The following SOX6 variants were observed in gnomAD, a reference collection of about 807,000 sequenced individuals.
SOX6 encodes transcription factor SOX-6.
A neutral mutation model predicts 97.8 loss-of-function variants in SOX6; 11 were observed. The observed-to-expected ratio is 0.11, with a 90% CI of 0.07 to 0.19. The LOEUF (loss-of-function observed/expected upper bound fraction) is 0.19, where lower values mean the gene tolerates loss of function less well. Ranked by LOEUF, SOX6 falls within the 10% of genes least tolerant of loss-of-function variation. SOX6 has a pLI of 1.00. For synonymous variants in SOX6, 360 were observed against 371.4 expected (o/e 0.97, Z 0.35); for missense variants, 810 against 1,039.5 (o/e 0.78, Z 3.04).
intron 1 of SOX6, among the ~76,000 whole-genome samples, chr11:16,471,786 G>T (rs1361627892): frequency 6.6e-6 from 1 of 152,182 alleles, no homozygotes; most frequent in African/African-American, 2.4e-5. Context: ...AGGTTCTGCA[G>T]TCAGGAGACA....
intron 1 of SOX6, among the ~76,000 whole-genome samples, chr11:16,389,142 G>A (rs958405751): frequency 8.5e-5 from 13 of 152,050 alleles, no homozygotes; most frequent in African/African-American, 2.9e-4. Flanking sequence ...GAGTGCAGTG[G>A]CACCATCTTA....
At chr11:16,222,281 T>G (rs1280434092) in intron 4 of SOX6, among the ~76,000 whole-genome samples, 2 of 152,166 alleles carry the variant, frequency 1.3e-5, no homozygotes, top group African/African-American at 4.8e-5. Flanking sequence ...GGTACCATGA[T>G]AGCTCACTGT....
intron 1 of SOX6, among the ~76,000 whole-genome samples, chr11:16,737,007 T>C (rs1392610376): frequency 6.6e-6 from 1 of 152,176 alleles, no homozygotes; most frequent in Non-Finnish European, 1.5e-5. Context: ...AGAATTTGAA[T>C]CTATGACTGC....
At chr11:16,672,369 A>C (rs925881056) in intron 3 of SOX6, among the ~76,000 whole-genome samples, 1 of 152,234 alleles carries the variant, frequency 6.6e-6, no homozygotes, top group Non-Finnish European at 1.5e-5. Context: ...GGATAAAAAC[A>C]CAAAACTGTA....
intron 4 of SOX6, among the ~76,000 whole-genome samples, chr11:16,514,770 G>C (rs1267981196): frequency 4.9e-5 from 7 of 142,762 alleles, no homozygotes; most frequent in South Asian, 2.2e-4. Flanking sequence ...TTGTTCAATT[G>C]CCACCTATGA....
chr11:16,267,565 A>T (rs1440363482), intron 3 of SOX6, among the ~76,000 whole-genome samples: 2 of 151,618 alleles, frequency 1.3e-5, no homozygotes, highest in African/African-American at 4.8e-5. Flanking sequence ...AAGGATGTGG[A>T]GAAAAGGGAA....
chr11:16,155,947 A>G (rs1031095397), intron 6 of SOX6, among the ~76,000 whole-genome samples: 2 of 151,886 alleles, frequency 1.3e-5, no homozygotes, highest in Non-Finnish European at 2.9e-5. Context: ...AGTCTTTAAG[A>G]CCAAAGTTCC....
At chr11:16,490,610 T>C (rs969805501) in intron 4 of SOX6, among the ~76,000 whole-genome samples, 2 of 151,934 alleles carry the variant, frequency 1.3e-5, no homozygotes, top group African/African-American at 2.4e-5. Flanking sequence ...ATAAAGATAA[T>C]AGTAACAGTA....
intron 2 of SOX6, 120 bp downstream of exon 2, chr11:16,340,892 T>C: frequency 7.2e-7 from 1 of 1,382,960 alleles, no homozygotes; most frequent in Non-Finnish European, 1.0e-6. Context: ...TACCTGGTAG[T>C]TGTTTCATGA....
chr11:16,456,332 G>T (rs1859810733), intron 1 of SOX6, among the ~76,000 whole-genome samples: 1 of 152,108 alleles, frequency 6.6e-6, no homozygotes, highest in South Asian at 2.1e-4. Flanking sequence ...AACACTGTCA[G>T]CTCCTCGGTT....
At chr11:16,502,989 AC>A (rs906809636) in intron 4 of SOX6, among the ~76,000 whole-genome samples, 4 of 152,136 alleles carry the variant, frequency 2.6e-5, no homozygotes, top group African/African-American at 9.7e-5. Context: ...TTAGAAAAGC[AC>A]CCCCGTCAAA....
intron 3 of SOX6, among the ~76,000 whole-genome samples, chr11:16,623,392 AG>A (rs1465250681): frequency 1.3e-5 from 2 of 150,014 alleles, no homozygotes; most frequent in Non-Finnish European, 3.0e-5. Flanking sequence ...TCATGTCCTT[AG>A]GGCACTTTTT....
intron 6 of SOX6, among the ~76,000 whole-genome samples, chr11:16,123,848 C>T (rs1485041548): frequency 1.3e-5 from 2 of 152,036 alleles, no homozygotes; most frequent in Non-Finnish European, 2.9e-5. Flanking sequence ...AAAGAGATGT[C>T]GCTGTTAAAG....
rs544361555 is a variant in SOX6 at position 16,409,285 on chromosome 11, C to A, written c.-5+67030G>T. ...TTTCCTCTTGCAGTCCCCTAACCCC[C>A]CTCCAAAAAAAAAAAAAACAGGCAG... On this transcript the variant is annotated intron_variant, in intron 1 of 15. Transcript: ENST00000396356. Among the ~76,000 whole-genome samples, 3 of 73,614 alleles carry A rather than the reference C, an allele frequency of 4.1e-5. No individual in the cohort carries two copies. In the East Asian group the frequency reaches 9.5e-4, roughly 23 times the overall value. 48.3% of individuals were successfully genotyped at this position (73,614 alleles called of 152,430 possible). A position where few individuals can be genotyped will look rare whatever the true frequency, so the allele number is the denominator to read the frequency against.
At chr11:16,713,286 A>G (rs1848194663) in intron 3 of SOX6, among the ~76,000 whole-genome samples, 1 of 152,270 alleles carries the variant, frequency 6.6e-6, no homozygotes, top group Non-Finnish European at 1.5e-5. Flanking sequence ...TTATAACAGT[A>G]GAATACAATG....
intron 3 of SOX6, chr11:16,646,311 T>C (rs1193799328): frequency 4.6e-5 from 7 of 152,192 alleles, no homozygotes; most frequent in African/African-American, 1.7e-4. Flanking sequence ...GGCCTTCAGG[T>C]AAGTGTGGGA....
At chr11:16,105,335 T>C (rs1849052848) in intron 7 of SOX6, among the ~76,000 whole-genome samples, 1 of 152,054 alleles carries the variant, frequency 6.6e-6, no homozygotes. Flanking sequence ...TCTAATATTA[T>C]TCCATCATAA....
chr11:16,076,137 A>G (rs912156625), intron 9 of SOX6, among the ~76,000 whole-genome samples: 1 of 152,210 alleles, frequency 6.6e-6, no homozygotes, highest in Non-Finnish European at 1.5e-5. Context: ...CTTAAGTTTA[A>G]AACCTAAAAC....
intron 1 of SOX6, among the ~76,000 whole-genome samples, chr11:16,406,097 G>A (rs1858681972): frequency 6.6e-6 from 1 of 151,998 alleles, no homozygotes; most frequent in Non-Finnish European, 1.5e-5. Context: ...ATATGGACTA[G>A]ATAGAAAATA....
Sources: gnomAD v4.1 joint callset for allele counts (sites outside exome capture counted in the v4.1 genomes callset) on GRCh38, gnomAD v4.1.1 for gene constraint, MANE v1.5 for transcripts, NCBI Gene and HGNC (gene_info 2026-07-23, HGNC 2026-07-21) for gene names.